Variants in THSD7B observed in about 807,000 individuals in gnomAD.
THSD7B encodes thrombospondin type-1 domain-containing protein 7B.
Under a neutral mutation model 213.6 loss-of-function variants are expected in THSD7B, and 138 were observed. That is an observed-to-expected ratio of 0.65 (90% CI 0.56 to 0.74). The LOEUF (loss-of-function observed/expected upper bound fraction) is 0.74. Ranked by LOEUF, THSD7B falls within the 30% of genes least tolerant of loss-of-function variation. The pLI, the probability that THSD7B is intolerant of heterozygous loss-of-function variation, is 0.00. For synonymous variants in THSD7B, 742 were observed against 687.0 expected, an observed-to-expected ratio of 1.08 and a Z score of -1.25; for missense variants, 1,931 against 1,991.5, an observed-to-expected ratio of 0.97 and a Z score of 0.58.
intron 21 of THSD7B, among the ~76,000 whole-genome samples, chr2:137,648,474 C>T (rs2104810453): frequency 6.6e-6 from 1 of 152,190 alleles, no homozygotes; most frequent in East Asian, 1.9e-4. Context: ...TGAGTGAGAA[C>T]ATATGATATT....
chr2:136,774,146 G>T (rs971047714), intron 1 of THSD7B, among the ~76,000 whole-genome samples: 1 of 151,958 alleles, frequency 6.6e-6, no homozygotes, highest in African/African-American at 2.4e-5. Context: ...TGATTAGTTT[G>T]TTAGTGTGTA....
chr2:137,400,859 G>A (rs1686339077), intron 12 of THSD7B, among the ~76,000 whole-genome samples: 1 of 151,914 alleles, frequency 6.6e-6, no homozygotes, highest in Non-Finnish European at 1.5e-5. Flanking sequence ...CTGGAGCAGG[G>A]GAAGAAGGTA....
At chr2:137,029,060 T>A (rs1686609139) in intron 2 of THSD7B, among the ~76,000 whole-genome samples, 1 of 150,388 alleles carries the variant, frequency 6.6e-6, no homozygotes. Flanking sequence ...TATAAGCATT[T>A]TCTGATGTCT....
rs143876103 is a variant in THSD7B at position 137,422,966 on chromosome 2, C to A, written c.2959+11094C>A. Among the ~76,000 whole-genome samples, 1,361 of 152,168 alleles carry A rather than the reference C, an allele frequency of 8.9e-3. 18 individuals carry two copies. The highest frequency in any genetic ancestry group is 0.031 in the African/African-American group (1,292 of 41,526). On this transcript the variant is annotated intron_variant, in intron 14 of 27. Coordinates refer to ENST00000409968, the MANE Select transcript of THSD7B (RefSeq NM_001316349.2). The stretch of plus-strand genomic sequence containing the variant: ...AGAGAAGGCATTGTATGTTTTGACC[C>A]TTCTCAGAGAATAAATTGTGGACCC...
chr2:136,908,481 C>T (rs2105020476), intron 2 of THSD7B, among the ~76,000 whole-genome samples: 1 of 152,266 alleles, frequency 6.6e-6, no homozygotes, highest in Admixed American at 6.5e-5. Flanking sequence ...TAAGCAACTG[C>T]TTTGCAAATT....
intron 15 of THSD7B, among the ~76,000 whole-genome samples, chr2:137,560,556 C>T (rs1681090309): frequency 6.6e-6 from 1 of 152,036 alleles, no homozygotes; most frequent in Non-Finnish European, 1.5e-5. Context: ...ACACCGGGGC[C>T]TGTTGTGGGG....
chr2:137,206,271 G>C (rs565923673), intron 7 of THSD7B, among the ~76,000 whole-genome samples: 1 of 152,082 alleles, frequency 6.6e-6, no homozygotes, highest in South Asian at 2.1e-4. Context: ...GTGATTATGA[G>C]AGGTGAAATG....
chr2:137,498,797 C>A (rs542250566), intron 15 of THSD7B, among the ~76,000 whole-genome samples: 1 of 152,096 alleles, frequency 6.6e-6, no homozygotes, highest in Non-Finnish European at 1.5e-5. Flanking sequence ...TCATGGTAGC[C>A]CTTCCAAAAC....
At chr2:137,150,901 A>G (rs1679806934) in intron 5 of THSD7B, among the ~76,000 whole-genome samples, 1 of 152,192 alleles carries the variant, frequency 6.6e-6, no homozygotes, top group South Asian at 2.1e-4. Context: ...AAGTATTTGT[A>G]TATCTAAACA....
At chr2:137,263,870 C>A (rs1682513203) in intron 10 of THSD7B, among the ~76,000 whole-genome samples, 1 of 152,096 alleles carries the variant, frequency 6.6e-6, no homozygotes, top group African/African-American at 2.4e-5. Flanking sequence ...TTTTTAAGCA[C>A]TTAAGCCTCC....
At chr2:136,885,781 A>C (rs746293792) in intron 2 of THSD7B, among the ~76,000 whole-genome samples, 12 of 152,188 alleles carry the variant, frequency 7.9e-5, no homozygotes, top group Non-Finnish European at 1.8e-4. Context: ...TGAGAATAAA[A>C]TAGGCAAATC....
chr2:136,927,767 A>G (rs1035509285), intron 2 of THSD7B, among the ~76,000 whole-genome samples: 10 of 152,226 alleles, frequency 6.6e-5, no homozygotes, highest in African/African-American at 2.4e-4. Context: ...GCTAGTGCTT[A>G]GGAGTGCAGG....
intron 1 of THSD7B, among the ~76,000 whole-genome samples, chr2:136,806,350 A>G (rs1022281819): frequency 1.3e-5 from 2 of 152,208 alleles, no homozygotes; most frequent in African/African-American, 2.4e-5. Context: ...TATATAATCT[A>G]TATTTCTCTG....
rs1339569215 is a variant in THSD7B, at chr2:137,458,187, G to A, written c.3138+7164G>A. Among the ~76,000 whole-genome samples, 3 of 152,178 alleles carry A rather than the reference G, an allele frequency of 2.0e-5. No homozygotes were observed. In the East Asian group the frequency reaches 5.8e-4, roughly 29 times the overall value. On this transcript the variant is annotated intron_variant, in intron 15 of 27. Coordinates refer to ENST00000409968, the MANE Select transcript of THSD7B (RefSeq NM_001316349.2). ...TGTTGTGATAAAGAAGGAATCTCTG[G>A]TGAAGGTTTCCCAGGGGTCTTTCTG...
intron 17 of THSD7B, among the ~76,000 whole-genome samples, chr2:137,610,661 A>G (rs887831981): frequency 2.0e-5 from 3 of 152,178 alleles, no homozygotes; most frequent in Non-Finnish European, 2.9e-5. Context: ...TAATTTATCT[A>G]GATAGGCTGC....
chr2:137,302,487 T>C (rs918759408), intron 12 of THSD7B, among the ~76,000 whole-genome samples: 1 of 152,090 alleles, frequency 6.6e-6, no homozygotes, highest in South Asian at 2.1e-4. Context: ...AGAACAGTTA[T>C]ATGAAGGTGG....
At chr2:136,931,019 T>A (rs1684619348) in intron 2 of THSD7B, among the ~76,000 whole-genome samples, 1 of 152,134 alleles carries the variant, frequency 6.6e-6, no homozygotes, top group South Asian at 2.1e-4. Flanking sequence ...TTTTTCCTGA[T>A]TGTTCTGGTT....
chr2:136,912,588 T>C (rs1684281216), intron 2 of THSD7B, among the ~76,000 whole-genome samples: 1 of 152,120 alleles, frequency 6.6e-6, no homozygotes, highest in African/African-American at 2.4e-5. Flanking sequence ...TTGAATTGTA[T>C]CTCCCAGAAT....
intron 3 of THSD7B, among the ~76,000 whole-genome samples, chr2:137,077,789 G>A (rs1214134415): frequency 6.6e-6 from 1 of 150,850 alleles, no homozygotes; most frequent in African/African-American, 2.5e-5. Context: ...TGTTCACTCT[G>A]ATGGTAGTTT....
Sources: gnomAD v4.1 joint callset for allele counts (sites outside exome capture counted in the v4.1 genomes callset) on GRCh38, gnomAD v4.1.1 for gene constraint, MANE v1.5 for transcripts, NCBI Gene and HGNC (gene_info 2026-07-23, HGNC 2026-07-21) for gene names.